Variants in ALK observed in about 807,000 individuals in gnomAD.
ALK encodes the protein ALK receptor tyrosine kinase.
A neutral mutation model predicts 163.1 loss-of-function variants in ALK; 74 were observed. The observed-to-expected ratio is 0.45, with a 90% CI of 0.38 to 0.55. The LOEUF (loss-of-function observed/expected upper bound fraction) is 0.55, where lower values mean the gene tolerates loss of function less well. Among genes scored for constraint, ALK ranks in the 20% least tolerant of loss-of-function variants. The pLI is 0.00. For missense variants in ALK, 2,063 were observed against 2,105.3 expected, an observed-to-expected ratio of 0.98 and a Z score of 0.39; for synonymous variants, 960 against 843.2, an observed-to-expected ratio of 1.14 and a Z score of -2.40.
intron 1 of ALK, among the ~76,000 whole-genome samples, chr2:29,725,191 G>C (rs911657868): frequency 8.0e-6 from 1 of 124,586 alleles, no homozygotes; most frequent in African/African-American, 3.1e-5. Context: ...CAAAGAGGTT[G>C]CTCCAGAATG....
intron 1 of ALK, among the ~76,000 whole-genome samples, chr2:29,835,841 C>T (rs549635260): frequency 3.3e-5 from 5 of 152,314 alleles, no homozygotes; most frequent in South Asian, 2.1e-4. Context: ...CCTCACCTTC[C>T]GCCATGATTG....
intron 1 of ALK, among the ~76,000 whole-genome samples, chr2:29,776,045 T>G (rs1681166404): frequency 1.3e-5 from 2 of 152,272 alleles, no homozygotes; most frequent in Non-Finnish European, 2.9e-5. Flanking sequence ...ACCATGTTAT[T>G]GATGGTACTA....
At chr2:29,789,518 T>C (rs1390095973) in intron 1 of ALK, among the ~76,000 whole-genome samples, 1 of 152,178 alleles carries the variant, frequency 6.6e-6, no homozygotes, top group Non-Finnish European at 1.5e-5. Context: ...GCTGGTGAAA[T>C]GAAGTGAAAA....
intron 1 of ALK, among the ~76,000 whole-genome samples, chr2:29,796,754 AACT>A (rs1221203504): frequency 6.6e-6 from 1 of 152,142 alleles, no homozygotes; most frequent in Non-Finnish European, 1.5e-5. Flanking sequence ...ATGGAGCTGC[AACT>A]ACCTTAAAAG....
intron 4 of ALK, among the ~76,000 whole-genome samples, chr2:29,437,350 C>T (rs1422450868): frequency 6.6e-6 from 1 of 152,180 alleles, no homozygotes; most frequent in Non-Finnish European, 1.5e-5. Flanking sequence ...AAAAGAGCAG[C>T]TTCTGACATT....
At chr2:29,326,289 G>A (rs1237224375) in intron 6 of ALK, among the ~76,000 whole-genome samples, 1 of 152,178 alleles carries the variant, frequency 6.6e-6, no homozygotes, top group Non-Finnish European at 1.5e-5. Flanking sequence ...ACTGGATCCT[G>A]AAGGTTCAGG....
intron 3 of ALK, among the ~76,000 whole-genome samples, chr2:29,623,595 A>G (rs991451838): frequency 6.6e-6 from 1 of 152,216 alleles, no homozygotes; most frequent in African/African-American, 2.4e-5. Flanking sequence ...AGAGAGAGTA[A>G]GTGACTTTCC....
intron 1 of ALK, among the ~76,000 whole-genome samples, chr2:29,797,000 CCACACACA>C (rs34846199): frequency 1.2e-4 from 17 of 144,606 alleles, no homozygotes; most frequent in African/African-American, 3.8e-4. Flanking sequence ...GCACGCACAC[CCACACACA>C]CACACACACA....
At chr2:29,540,592 T>A (rs4666242) in intron 3 of ALK, among the ~76,000 whole-genome samples, 21,584 of 142,958 alleles carry the variant, frequency 0.15, 1,831 homozygotes, top group East Asian at 0.32. Flanking sequence ...TTTTTTTTTT[T>A]AAAAAAAAAA....
chr2:29,845,828 G>A (rs1665828225), intron 1 of ALK, among the ~76,000 whole-genome samples: 1 of 152,158 alleles, frequency 6.6e-6, no homozygotes, highest in South Asian at 2.1e-4. Flanking sequence ...CACCTCTTGG[G>A]TGCTGGTGCT....
At chr2:29,593,411 T>A (rs145614202) in intron 3 of ALK, among the ~76,000 whole-genome samples, 2 of 152,340 alleles carry the variant, frequency 1.3e-5, no homozygotes, top group South Asian at 2.1e-4. Context: ...AATGAGGGAA[T>A]TGACCCCTCT....
intron 4 of ALK, among the ~76,000 whole-genome samples, chr2:29,521,417 T>A (rs1672809109): frequency 6.6e-6 from 1 of 152,198 alleles, no homozygotes; most frequent in Admixed American, 6.5e-5. Flanking sequence ...TCACTGAGCT[T>A]ACTGATGTAA....
At chr2:29,494,129 A>G (rs919599011) in intron 4 of ALK, among the ~76,000 whole-genome samples, 3 of 152,186 alleles carry the variant, frequency 2.0e-5, no homozygotes, top group East Asian at 3.8e-4. Context: ...AGATCCACCA[A>G]TGTGATGGGT....
rs144435110 is a variant in ALK, at chr2:29,646,852, T to C, written c.952+47998A>G. Among the ~76,000 whole-genome samples, 738 of 152,302 alleles carry C rather than the reference T, an allele frequency of 4.8e-3. 5 individuals carry two copies. The highest frequency in any genetic ancestry group is 0.017 in the African/African-American group (696 of 41,574). On this transcript the variant is annotated intron_variant, in intron 3 of 28. Transcript: ENST00000389048. The stretch of plus-strand genomic sequence containing the variant: ...GCTTTATTGTCCTTTATAGCACTTA[T>C]TTACTTTCAACATATTGTACATTTT...
intron 28 of ALK, among the ~76,000 whole-genome samples, chr2:29,196,446 T>A (rs998344638): frequency 6.6e-6 from 1 of 152,234 alleles, no homozygotes; most frequent in Admixed American, 6.5e-5. Context: ...ATGTGTTCCA[T>A]ACGTCTGTGA....
In ALK at chr2:29,239,640, G is replaced by C. The variant is rs761186985; in HGVS notation, c.2355+40C>G. ...CCTCCAAGAGGCCTTCCCGGGGCCT[G>C]ACAGAGTGCAGACGAGAAACCCCTG... is the stretch of plus-strand genomic sequence containing the variant. On this transcript the variant is annotated intron_variant, in intron 13 of 28. Coordinates refer to ENST00000389048, the MANE Select transcript of ALK (RefSeq NM_004304.5). The C allele has an allele frequency of 2.5e-6, 4 of 1,611,616 alleles. No individual in the cohort carries two copies. The South Asian group carries it at 3.3e-5, about 13-fold the overall frequency.
At chr2:29,876,740 G>T (rs1295248994) in intron 1 of ALK, among the ~76,000 whole-genome samples, 1 of 151,330 alleles carries the variant, frequency 6.6e-6, no homozygotes, top group Non-Finnish European at 1.5e-5. Context: ...TGGTGGTGAT[G>T]GTAATGATGA....
intron 6 of ALK, among the ~76,000 whole-genome samples, chr2:29,323,845 C>A (rs1468577917): frequency 6.6e-6 from 1 of 152,222 alleles, no homozygotes; most frequent in Admixed American, 6.5e-5. Flanking sequence ...CAAGCTCCTA[C>A]TCAGTCAGCA....
At chr2:29,409,274 C>T (rs1414897036) in intron 4 of ALK, among the ~76,000 whole-genome samples, 3 of 152,150 alleles carry the variant, frequency 2.0e-5, no homozygotes, top group Non-Finnish European at 4.4e-5. Context: ...AGTGTATTTA[C>T]CCAGCGAGAA....
Sources: gnomAD v4.1 joint callset for allele counts (sites outside exome capture counted in the v4.1 genomes callset) on GRCh38, gnomAD v4.1.1 for gene constraint, MANE v1.5 for transcripts, NCBI Gene and HGNC (gene_info 2026-07-23, HGNC 2026-07-21) for gene names.